Variants in CLOCK observed in about 807,000 individuals in gnomAD.
CLOCK encodes circadian locomoter output cycles protein kaput.
CLOCK carries 43 observed loss-of-function variants against 118.4 expected under a neutral mutation model. The observed-to-expected ratio is 0.36, with a 90% CI of 0.28 to 0.47. The LOEUF is 0.47. CLOCK is among the 20% of genes least tolerant of loss of function. The probability of loss-of-function intolerance (pLI) is 1.00; values close to 1 mark genes in which losing one functional copy is unlikely to be tolerated. For missense variants in CLOCK, 846 were observed against 999.9 expected (o/e 0.85, Z 2.08); for synonymous variants, 326 against 339.2 (o/e 0.96, Z 0.43).
At chr4:55,455,748 C>T (rs1204724971) in intron 13 of CLOCK, 149 bp downstream of exon 13, 3 of 635,850 alleles carry the variant, frequency 4.7e-6, no homozygotes, top group Non-Finnish European at 8.4e-6. Flanking sequence ...ATTCCTACTA[C>T]ATTGGTTATA....
At chr4:55,463,391 A>T (rs557511007) in intron 9 of CLOCK, among the ~76,000 whole-genome samples, 1 of 152,104 alleles carries the variant, frequency 6.6e-6, no homozygotes, top group East Asian at 1.9e-4. Flanking sequence ...TTATAAATTA[A>T]TAACTATATA....
chr4:55,441,486 C>A (rs981204847), intron 21 of CLOCK, among the ~76,000 whole-genome samples: 1 of 152,084 alleles, frequency 6.6e-6, no homozygotes, highest in Non-Finnish European at 1.5e-5. Context: ...AACCTAAGTG[C>A]CCATCAACCA....
At chr4:55,510,324 T>G (rs1374274077) in intron 1 of CLOCK, among the ~76,000 whole-genome samples, 4 of 151,966 alleles carry the variant, frequency 2.6e-5, no homozygotes, top group Admixed American at 1.3e-4. Flanking sequence ...TTGCTGGAAA[T>G]TGGTTAGAAA....
intron 6 of CLOCK, among the ~76,000 whole-genome samples, chr4:55,478,094 T>C (rs1726643532): frequency 6.6e-6 from 1 of 151,890 alleles, no homozygotes; most frequent in African/African-American, 2.4e-5. Flanking sequence ...CTGTCCTGAG[T>C]TTTACAGTTT....
intron 6 of CLOCK, among the ~76,000 whole-genome samples, chr4:55,477,689 AT>A (rs1260644746): frequency 1.3e-5 from 2 of 152,144 alleles, no homozygotes; most frequent in East Asian, 3.8e-4. Context: ...AAAAATAGAA[AT>A]CTGGTAGGTT....
Position 55,433,540 on chromosome 4 carries a change from T to C in CLOCK, c.*1875A>G, listed in dbSNP as rs938895332. The C allele has an allele frequency of 6.6e-6, 1 of 152,220 alleles. No homozygotes were observed. Among genetic ancestry groups the C allele is most frequent in the Non-Finnish European group, 1.5e-5 (1 of 68,036 alleles). The allele number at this position is 152,220 out of a possible 1,614,324, so 9.4% of individuals were successfully genotyped here. On this transcript the variant is annotated 3_prime_UTR_variant, in exon 23 of 23. Coordinates refer to ENST00000513440, the MANE Select transcript of CLOCK (RefSeq NM_004898.4). ...AATTCTGCATTAGGTTAATCTTCATTATTCAGAACCTTTTCTGTTTTAACA... is the reference window on the plus strand; with the variant it reads ...AATTCTGCATTAGGTTAATCTTCATCATTCAGAACCTTTTCTGTTTTAACA...
chr4:55,458,965 G>T lies in CLOCK; in HGVS notation c.719C>A (p.Thr240Lys). 6.2e-7 allele frequency: 1 copy of T among 1,613,930 alleles called. No individual in the cohort carries two copies. Among genetic ancestry groups the T allele is most frequent in the East Asian group, 2.2e-5 (1 of 44,832 alleles). Reference sequence around the variant, plus strand: ...TCTATCTTCATAAGATGGCCTATGTGTGCGTTGTATAGTTCCTTCAAAACC... The same window carrying T: ...TCTATCTTCATAAGATGGCCTATGTTTGCGTTGTATAGTTCCTTCAAAACC... ...HNGFEGTIQRTHRPSYEDRVC... is the reference protein window; with the variant it reads ...HNGFEGTIQRKHRPSYEDRVC... Residue 240 changes from threonine to lysine, a missense_variant, in exon 11 of 23, where the codon ACA (threonine) becomes AAA (lysine). Physicochemically the swap from Thr to Lys is moderately conservative, Grantham distance 78. This residue lies in a region of CLOCK where 246 missense variants were observed against 300.2 expected (regional missense o/e 0.82). Coordinates refer to ENST00000513440, the MANE Select transcript of CLOCK (RefSeq NM_004898.4).
intron 1 of CLOCK, among the ~76,000 whole-genome samples, chr4:55,524,244 CAA>C (rs1484693337): frequency 1.3e-5 from 2 of 151,160 alleles, no homozygotes; most frequent in Non-Finnish European, 2.9e-5. Flanking sequence ...CACACACACA[CAA>C]AAAAAATTAG....
intron 1 of CLOCK, among the ~76,000 whole-genome samples, chr4:55,539,345 G>C (rs527278054): frequency 6.6e-6 from 1 of 152,152 alleles, no homozygotes; most frequent in South Asian, 2.1e-4. Flanking sequence ...AGGCCAAGGT[G>C]GGGGGATCTC....
chr4:55,448,723 C>G (rs528962953), intron 18 of CLOCK, 56 bp downstream of exon 18: 21 of 1,412,038 alleles, frequency 1.5e-5, no homozygotes, highest in Non-Finnish European at 2.0e-5. Context: ...ATTACATTAG[C>G]TTAAAAGCAA....
At chr4:55,522,409 G>A (rs1228801271) in intron 1 of CLOCK, among the ~76,000 whole-genome samples, 6 of 150,464 alleles carry the variant, frequency 4.0e-5, no homozygotes, top group Non-Finnish European at 8.9e-5. Flanking sequence ...ATATACCACA[G>A]AAGATTAGTA....
At chr4:55,504,283 C>CAA (rs35414558) in intron 2 of CLOCK, among the ~76,000 whole-genome samples, 15,322 of 51,366 alleles carry the variant, frequency 0.3, 2,579 homozygotes, top group East Asian at 0.53. Context: ...GAGACTCCAT[C>CAA]AAAAAAAAAA....
At chr4:55,520,064 C>T (rs778707295) in intron 1 of CLOCK, among the ~76,000 whole-genome samples, 2 of 152,124 alleles carry the variant, frequency 1.3e-5, no homozygotes, top group African/African-American at 4.8e-5. Context: ...CTTAATAATC[C>T]GATTCAAGGC....
rs75117590 is a variant in CLOCK, at chr4:55,441,120, T to C, written c.2105+1312A>G. Among the ~76,000 whole-genome samples the C allele has an allele frequency of 6.5e-3, 995 of 152,330 alleles. 9 individuals are homozygous for C. Among genetic ancestry groups the C allele is most frequent in the African/African-American group, 0.023 (945 of 41,572 alleles). On this transcript the variant is annotated intron_variant, in intron 21 of 22. Transcript: ENST00000513440. ...TTCCCTTGGGGAAGGAACGATGCCA[T>C]ACTCATCTAGGTAGGCCTTCAAATG... is the stretch of plus-strand genomic sequence containing the variant.
intron 1 of CLOCK, among the ~76,000 whole-genome samples, chr4:55,542,372 A>ATT (rs1408178592): frequency 2.1e-4 from 4 of 19,016 alleles, no homozygotes; most frequent in Non-Finnish European, 3.3e-4. Flanking sequence ...TAATAATAAT[A>ATT]ATAATAATAT....
intron 2 of CLOCK, among the ~76,000 whole-genome samples, chr4:55,509,626 C>T (rs1023399402): frequency 6.6e-6 from 1 of 152,344 alleles, no homozygotes; most frequent in Non-Finnish European, 1.5e-5. Flanking sequence ...AATCATCTTC[C>T]TTAAACTCAG....
chr4:55,539,945 CAGAT>C (rs761298888), intron 1 of CLOCK, among the ~76,000 whole-genome samples: 9 of 150,978 alleles, frequency 6.0e-5, no homozygotes, highest in East Asian at 1.9e-4. Flanking sequence ...ATGCAGGAAG[CAGAT>C]AGATAATCAA....
chr4:55,447,640 T>A (rs960538223), intron 18 of CLOCK, among the ~76,000 whole-genome samples: 2 of 152,182 alleles, frequency 1.3e-5, no homozygotes, highest in African/African-American at 4.8e-5. Flanking sequence ...CTTTATTTCA[T>A]GAAAATATCC....
chr4:55,540,913 T>C (rs1384250799), intron 1 of CLOCK: 1 of 152,174 alleles, frequency 6.6e-6, no homozygotes, highest in Non-Finnish European at 1.5e-5. Flanking sequence ...AACTTAATCG[T>C]CGTCATTATT....
Sources: allele counts gnomAD v4.1 joint callset (sites outside exome capture counted in the v4.1 genomes callset), GRCh38; gene constraint gnomAD v4.1.1; regional missense constraint gnomAD v4.1.1; transcripts MANE v1.5; gene names NCBI Gene and HGNC (gene_info 2026-07-23, HGNC 2026-07-21).